COL10A1: variants seen among roughly 807,000 people sequenced by gnomAD.
COL10A1 encodes the protein collagen type X alpha 1 chain, also known as collagen alpha-1(X) chain.
Under a neutral mutation model 18.2 loss-of-function variants are expected in COL10A1, and 10 were observed. The observed-to-expected ratio is 0.55, with a 90% CI of 0.34 to 0.93. The LOEUF (loss-of-function observed/expected upper bound fraction) is 0.93, where lower values mean the gene tolerates loss of function less well. Ranked by LOEUF, COL10A1 falls within the 40% of genes least tolerant of loss-of-function variation. The pLI, the probability that COL10A1 is intolerant of heterozygous loss-of-function variation, is 0.02. For synonymous variants in COL10A1, 330 were observed against 316.6 expected (o/e 1.04, Z -0.45); for missense variants, 897 against 853.5 (o/e 1.05, Z -0.64).
chr6:116,174,839 A>T, the COL10A1 span, among the ~76,000 whole-genome samples: 3 of 152,126 alleles, frequency 2.0e-5, no homozygotes, highest in African/African-American at 7.2e-5. Flanking sequence ...ACCTAATGGG[A>T]TTATTAATAG....
the COL10A1 span, among the ~76,000 whole-genome samples, chr6:116,170,259 TG>T: frequency 5.3e-5 from 8 of 152,188 alleles, no homozygotes; most frequent in East Asian, 1.9e-4. Flanking sequence ...CACCAGTGAT[TG>T]GGGGGTGTGA....
the COL10A1 span, among the ~76,000 whole-genome samples, chr6:116,182,472 A>G: frequency 1.3e-5 from 2 of 152,106 alleles, no homozygotes; most frequent in African/African-American, 2.4e-5. Context: ...ACTGTTTTCC[A>G]TAGTGGTTGT....
chr6:116,155,469 C>T (rs1027838706), intron 1 of COL10A1, among the ~76,000 whole-genome samples: 4 of 151,978 alleles, frequency 2.6e-5, no homozygotes, highest in African/African-American at 4.8e-5. Flanking sequence ...GGCCTAAAAT[C>T]GTATTTTAAG....
chr6:116,137,268 A>G (rs900614704), intron 1 of COL10A1: 4 of 156,200 alleles, frequency 2.6e-5, no homozygotes, highest in African/African-American at 7.2e-5. Context: ...GTCTCCATAT[A>G]GAAAGGACTG....
At position 116,121,704 on chromosome 6, in the gene COL10A1, G is replaced by A. The variant is rs781359017; in HGVS notation, c.412C>T (p.Arg138Trp). ...ATTCCAGGTGGTCCTGGTGGGCCCC[G>A]GGGTCCTGGTAGGCCAGCTGGTCCA... is the stretch of plus-strand genomic sequence containing the variant. ...DVGPAGLPGP[R>W]GPPGPPGIPG... is the part of the protein sequence containing the mutation. Residue 138 changes from arginine (R) to tryptophan (W), a missense_variant, in exon 3 of 3, where the codon CGG (arginine) becomes TGG (tryptophan). Coordinates refer to ENST00000651968, the MANE Select transcript of COL10A1 (RefSeq NM_000493.4). 8.1e-6 allele frequency: 13 copies of A among 1,613,886 alleles called. No individual in the cohort carries two copies. The highest frequency in any genetic ancestry group is 3.3e-5 in the South Asian group (3 of 91,050).
chr6:116,188,097 T>C, the COL10A1 span, among the ~76,000 whole-genome samples: 1 of 152,026 alleles, frequency 6.6e-6, no homozygotes, highest in African/African-American at 2.4e-5. Flanking sequence ...AAAATGTGCT[T>C]ATGCTTATTA....
chr6:116,186,409 T>A, the COL10A1 span, among the ~76,000 whole-genome samples: 4 of 151,904 alleles, frequency 2.6e-5, no homozygotes, highest in Non-Finnish European at 5.9e-5. Flanking sequence ...CTGCTTGTAT[T>A]TGGATGCCTA....
intron 1 of COL10A1, among the ~76,000 whole-genome samples, chr6:116,150,573 C>T (rs1267370852): frequency 6.6e-6 from 1 of 152,212 alleles, no homozygotes; most frequent in African/African-American, 2.4e-5. Flanking sequence ...GCGTGAGTCA[C>T]TGCACCTGGC....
intron 1 of COL10A1, among the ~76,000 whole-genome samples, chr6:116,154,307 G>A (rs1780126041): frequency 6.6e-6 from 1 of 152,114 alleles, no homozygotes; most frequent in South Asian, 2.1e-4. Flanking sequence ...TAGCTTAAAA[G>A]ATGTTGTCAC....
chr6:116,163,141 A>AAATATATATATATAT (rs761718922), upstream of COL10A1, among the ~76,000 whole-genome samples: 7 of 88,404 alleles, frequency 7.9e-5, no homozygotes, highest in African/African-American at 4.0e-4. Flanking sequence ...AAAAAAAAAA[A>AAATATATATATATAT]ATATATATAT....
chr6:116,184,470 A>T, the COL10A1 span, among the ~76,000 whole-genome samples: 1 of 151,972 alleles, frequency 6.6e-6, no homozygotes, highest in Non-Finnish European at 1.5e-5. Flanking sequence ...ATTGGTACCA[A>T]TTCTTTGAAT....
At chr6:116,147,815 G>GC (rs749158604) in intron 1 of COL10A1, among the ~76,000 whole-genome samples, 2 of 152,142 alleles carry the variant, frequency 1.3e-5, no homozygotes, top group Non-Finnish European at 2.9e-5. Flanking sequence ...GTTTGTAATA[G>GC]CAGAAGAAGG....
the COL10A1 span, among the ~76,000 whole-genome samples, chr6:116,201,672 C>A: frequency 5.5e-3 from 832 of 152,016 alleles, 6 homozygotes; most frequent in Non-Finnish European, 8.8e-3. Context: ...CCCATGAAGT[C>A]GGGAAGGTAA....
Position 116,121,765 on chromosome 6 carries a change from T to C in COL10A1, c.351A>G (p.Pro117=). The C allele has an allele frequency of 1.9e-6, 3 of 1,613,842 alleles. No homozygotes were observed. Among genetic ancestry groups the C allele is most frequent in the Non-Finnish European group, 2.5e-6 (3 of 1,179,944 alleles). ...TTGGTCCATATGGTCCTCTCTCTCCTGGTTTTCCTGGGAGTCCTGGCACAC... is the reference window on the plus strand; with the variant it reads ...TTGGTCCATATGGTCCTCTCTCTCCCGGTTTTCCTGGGAGTCCTGGCACAC... The part of the protein sequence containing the change: ...KPGVPGLPGK[P]GERGPYGPKG... Residue 117 remains proline (P), a synonymous_variant, in exon 3 of 3, where the codon CCA becomes CCG. Transcript: ENST00000651968.
rs1562135723 is a variant in COL10A1 at position 116,141,912 on chromosome 6, ACAC to A, written c.-15-16408_-15-16406del. ...CACACACACACACACACACACACAC[ACAC>A]ACACACACACACTGTAAATGTGAGA... On this transcript the variant is annotated intron_variant, in intron 1 of 1. Coordinates refer to the COL10A1 transcript ENST00000418500. 1.4e-3 allele frequency among the ~76,000 whole-genome samples: 219 copies of A among 151,626 alleles called. 2 individuals carry two copies. Among genetic ancestry groups the A allele is most frequent in the Middle Eastern group, 0.014 (4 of 292 alleles).
chr6:116,140,246 G>A (rs1779733499), intron 1 of COL10A1, among the ~76,000 whole-genome samples: 1 of 152,018 alleles, frequency 6.6e-6, no homozygotes, highest in Admixed American at 6.6e-5. Flanking sequence ...ATCAACTTAT[G>A]CTTATGTTCC....
In COL10A1 at chr6:116,119,877, A is replaced by G. The variant is rs182209892; in HGVS notation, c.*196T>C. ...CTTAAGATTGCTAACTAGAAATTCA[A>G]GAGAGGCTTCACATACGTTTTTACG... On this transcript the variant is annotated 3_prime_UTR_variant, in exon 3 of 3. Transcript: ENST00000651968. 3.5e-3 allele frequency: 2,094 copies of G among 592,098 alleles called. 8 individuals carry two copies. The highest frequency in any genetic ancestry group is 4.6e-3 in the Non-Finnish European group (1,554 of 336,604). The allele number at this position is 592,098 out of a possible 1,614,324, so 36.7% of individuals were successfully genotyped here.
chr6:116,195,282 C>T, the COL10A1 span, among the ~76,000 whole-genome samples: 15,216 of 152,002 alleles, frequency 0.1, 1,255 homozygotes, highest in African/African-American at 0.23. Flanking sequence ...TATTTTATAT[C>T]ACAATTTCGC....
At chr6:116,210,409 C>G in the COL10A1 span, among the ~76,000 whole-genome samples, 5 of 151,810 alleles carry the variant, frequency 3.3e-5, no homozygotes, top group South Asian at 1.0e-3. Flanking sequence ...CTGTAGTTAC[C>G]ATAGAGTCCC....
Sources: gnomAD v4.1 joint callset for allele counts (sites outside exome capture counted in the v4.1 genomes callset) on GRCh38, gnomAD v4.1.1 for gene constraint, MANE v1.5 for transcripts, NCBI Gene and HGNC (gene_info 2026-07-23, HGNC 2026-07-21) for gene names.